The following SEMA5A variants were observed in gnomAD, a reference collection of about 807,000 sequenced individuals.
SEMA5A encodes semaphorin 5A.
Under a neutral mutation model 135.5 loss-of-function variants are expected in SEMA5A, and 55 were observed. That is an observed-to-expected ratio of 0.41 (90% CI 0.33 to 0.51). The LOEUF (loss-of-function observed/expected upper bound fraction) is 0.51. Among genes scored for constraint, SEMA5A ranks in the 20% least tolerant of loss-of-function variants. The pLI is 0.37. For synonymous variants in SEMA5A, 580 were observed against 546.5 expected, an observed-to-expected ratio of 1.06 and a Z score of -0.85; for missense variants, 1,290 against 1,419.9, an observed-to-expected ratio of 0.91 and a Z score of 1.47.
At chr5:9,214,711 G>A (rs1291473994) in intron 8 of SEMA5A, among the ~76,000 whole-genome samples, 1 of 152,182 alleles carries the variant, frequency 6.6e-6, no homozygotes, top group Non-Finnish European at 1.5e-5. Flanking sequence ...AGCATGTCAT[G>A]CTCTGCCCAC....
chr5:9,036,345 G>C lies in SEMA5A; in HGVS notation c.*6552C>G, dbSNP rs528915813. On this transcript the variant is annotated 3_prime_UTR_variant, in exon 23 of 23. Transcript: ENST00000382496. Reference sequence around the variant, plus strand: ...TAAGAGTGACAACTTTTGTGAACTTGTGAAGCAGTTTTGATATAAACTTAA... The same window carrying C: ...TAAGAGTGACAACTTTTGTGAACTTCTGAAGCAGTTTTGATATAAACTTAA... 125 of 152,300 alleles carry C rather than the reference G, an allele frequency of 8.2e-4. No homozygotes were observed. The highest frequency in any genetic ancestry group is 2.8e-3 in the African/African-American group (115 of 41,570). The allele number at this position is 152,300 out of a possible 1,614,324, so 9.4% of individuals were successfully genotyped here. A position where few individuals can be genotyped will look rare whatever the true frequency, so the allele number is the denominator to read the frequency against.
At chr5:9,089,038 G>A (rs1337153922) in intron 16 of SEMA5A, among the ~76,000 whole-genome samples, 1 of 152,128 alleles carries the variant, frequency 6.6e-6, no homozygotes, top group Non-Finnish European at 1.5e-5. Flanking sequence ...CCTTCTTTGT[G>A]CTACCATTGG....
intron 5 of SEMA5A, among the ~76,000 whole-genome samples, chr5:9,250,270 T>C (rs1158254208): frequency 2.0e-5 from 3 of 152,116 alleles, no homozygotes; most frequent in Non-Finnish European, 2.9e-5. Context: ...CTTTTGATCA[T>C]GTAGATGTGT....
At chr5:9,442,172 T>C (rs1264227029) in intron 1 of SEMA5A, among the ~76,000 whole-genome samples, 1 of 152,126 alleles carries the variant, frequency 6.6e-6, no homozygotes, top group Non-Finnish European at 1.5e-5. Context: ...AGAGACTTTG[T>C]TTTGGGGGGG....
chr5:9,117,331 CT>C (rs1432126215), intron 15 of SEMA5A, among the ~76,000 whole-genome samples: 2 of 152,122 alleles, frequency 1.3e-5, no homozygotes, highest in Non-Finnish European at 2.9e-5. Flanking sequence ...CTAGGGAAGC[CT>C]TTGTACAGAT....
At chr5:9,087,847 C>A (rs1281744866) in intron 16 of SEMA5A, among the ~76,000 whole-genome samples, 1 of 152,130 alleles carries the variant, frequency 6.6e-6, no homozygotes, top group Non-Finnish European at 1.5e-5. Flanking sequence ...AATTCTGTAC[C>A]ATGGATAAAT....
At chr5:9,509,836 C>T (rs1192497810) in intron 1 of SEMA5A, among the ~76,000 whole-genome samples, 1 of 152,154 alleles carries the variant, frequency 6.6e-6, no homozygotes, top group Non-Finnish European at 1.5e-5. Context: ...CCATATGCCA[C>T]CCCCTCTTCT....
chr5:9,183,980 G>C (rs1744667190), intron 11 of SEMA5A, among the ~76,000 whole-genome samples: 1 of 152,152 alleles, frequency 6.6e-6, no homozygotes, highest in African/African-American at 2.4e-5. Context: ...CTGGTATTGA[G>C]TGTTCCCCTA....
At chr5:9,123,237 G>A (rs1305784085) in intron 13 of SEMA5A, among the ~76,000 whole-genome samples, 1 of 117,342 alleles carries the variant, frequency 8.5e-6, no homozygotes, top group Non-Finnish European at 1.7e-5. Context: ...CCAGCCTGAG[G>A]GAAGGAGCGA....
intron 2 of SEMA5A, among the ~76,000 whole-genome samples, chr5:9,396,246 G>GCACACACACACACACACACACACA (rs147262677): frequency 1.1e-4 from 16 of 148,954 alleles, no homozygotes; most frequent in African/African-American, 2.7e-4. Flanking sequence ...GCGCGTGCGT[G>GCACACACACACACACACACACACA]CACACACACA....
chr5:9,332,721 G>C (rs2097339406), intron 4 of SEMA5A, among the ~76,000 whole-genome samples: 2 of 152,254 alleles, frequency 1.3e-5, no homozygotes, highest in Admixed American at 1.3e-4. Context: ...CATTGGGCCA[G>C]GTGTGCAAGA....
intron 3 of SEMA5A, among the ~76,000 whole-genome samples, chr5:9,378,196 G>T (rs537088709): frequency 6.6e-6 from 1 of 152,110 alleles, no homozygotes; most frequent in African/African-American, 2.4e-5. Flanking sequence ...CAACCTACTT[G>T]TGTATTTAAA....
At chr5:9,322,172 TA>T (rs1752658452) in intron 4 of SEMA5A, among the ~76,000 whole-genome samples, 1 of 152,108 alleles carries the variant, frequency 6.6e-6, no homozygotes. Context: ...CATAAGCAAA[TA>T]TAACTCTTCT....
chr5:9,473,778 A>G (rs1301105256), intron 1 of SEMA5A, among the ~76,000 whole-genome samples: 1 of 152,192 alleles, frequency 6.6e-6, no homozygotes, highest in Non-Finnish European at 1.5e-5. Context: ...AGAAGGGCAC[A>G]CATGCATCAG....
intron 11 of SEMA5A, among the ~76,000 whole-genome samples, chr5:9,161,297 C>T (rs1743241069): frequency 1.3e-5 from 2 of 152,040 alleles, no homozygotes; most frequent in South Asian, 4.2e-4. Flanking sequence ...CACAAAAACC[C>T]TCAAGCACTG....
intron 1 of SEMA5A, among the ~76,000 whole-genome samples, chr5:9,536,871 A>G (rs3798083): frequency 0.14 from 21,988 of 152,190 alleles, 1,655 homozygotes; most frequent in Middle Eastern, 0.22. Flanking sequence ...CTGATTTTAA[A>G]CTTCAGAACA....
At chr5:9,105,805 G>C (rs1739882008) in intron 16 of SEMA5A, among the ~76,000 whole-genome samples, 1 of 152,116 alleles carries the variant, frequency 6.6e-6, no homozygotes, top group Non-Finnish European at 1.5e-5. Context: ...CTTGATAATA[G>C]AACTCAATAA....
intron 2 of SEMA5A, among the ~76,000 whole-genome samples, chr5:9,397,582 G>A (rs1010939261): frequency 2.0e-5 from 3 of 152,304 alleles, no homozygotes; most frequent in Admixed American, 2.0e-4. Flanking sequence ...AGAACATTCT[G>A]AGATATATGG....
chr5:9,082,749 C>T (rs915338169), intron 16 of SEMA5A, among the ~76,000 whole-genome samples: 5 of 152,130 alleles, frequency 3.3e-5, no homozygotes, highest in African/African-American at 1.2e-4. Flanking sequence ...CAGATGCAGA[C>T]CACAAAAGCA....
Sources: allele counts gnomAD v4.1 joint callset (sites outside exome capture counted in the v4.1 genomes callset), GRCh38; gene constraint gnomAD v4.1.1; transcripts MANE v1.5; gene names NCBI Gene and HGNC (gene_info 2026-07-23, HGNC 2026-07-21).